PCDHGA2: variants seen among roughly 807,000 people sequenced by gnomAD.
PCDHGA2 encodes the protein protocadherin gamma-A2.
Under a neutral mutation model 59.2 loss-of-function variants are expected in PCDHGA2, and 40 were observed. The ratio of observed to expected loss-of-function variants is 0.68; its 90% confidence interval spans 0.52 to 0.88. The LOEUF is 0.88. PCDHGA2 is among the 40% of genes least tolerant of loss of function. The pLI is 0.00. For synonymous variants in PCDHGA2, 560 were observed against 526.0 expected (o/e 1.06, Z -0.89); for missense variants, 1,226 against 1,204.0 (o/e 1.02, Z -0.27).
At chr5:141,464,982 T>A (rs914697541) in intron 1 of PCDHGA2, among the ~76,000 whole-genome samples, 1 of 152,030 alleles carries the variant, frequency 6.6e-6, no homozygotes, top group Non-Finnish European at 1.5e-5. Context: ...CTTCAAGTGA[T>A]CCTCCCACCT....
At chr5:141,344,879 T>TA in intron 1 of PCDHGA2, 1 of 1,613,924 alleles carries the variant, frequency 6.2e-7, no homozygotes, top group Non-Finnish European at 8.5e-7. Context: ...ATATTCTAGA[T>TA]AAAATGCCTG....
intron 1 of PCDHGA2, among the ~76,000 whole-genome samples, chr5:141,451,606 G>C (rs2098720118): frequency 6.6e-6 from 1 of 152,152 alleles, no homozygotes; most frequent in Non-Finnish European, 1.5e-5. Flanking sequence ...ACAAGGCTAG[G>C]CATGGTGGCT....
chr5:141,375,603 T>C, intron 1 of PCDHGA2: 4 of 1,614,158 alleles, frequency 2.5e-6, no homozygotes, highest in South Asian at 1.1e-5. Flanking sequence ...TACGTGTCCA[T>C]CAACTCCGAC....
intron 1 of PCDHGA2, chr5:141,421,458 T>C (rs2096575080): frequency 6.2e-7 from 1 of 1,614,122 alleles, no homozygotes; most frequent in Non-Finnish European, 8.5e-7. Flanking sequence ...AGCTTTTCGC[T>C]GTGAATCCGC....
At chr5:141,460,035 A>G (rs1246945474) in intron 1 of PCDHGA2, among the ~76,000 whole-genome samples, 1 of 152,140 alleles carries the variant, frequency 6.6e-6, no homozygotes, top group Non-Finnish European at 1.5e-5. Context: ...CCGAGACTGC[A>G]CCACTGCACT....
chr5:141,423,605 T>G lies in PCDHGA2; in HGVS notation c.2425-71202T>G. The G allele has an allele frequency of 1.6e-5, 26 of 1,612,620 alleles. No individual in the cohort carries two copies. Among genetic ancestry groups the G allele is most frequent in the Non-Finnish European group, 2.0e-5 (24 of 1,179,120 alleles). On this transcript the variant is annotated intron_variant, in intron 1 of 3. Transcript: ENST00000394576. Reference sequence around the variant, plus strand: ...AGCTGTGAGAAAAGCGAGCCACTCTTGATAGCTGAAGACTCAGCTATCATT... The same window carrying G: ...AGCTGTGAGAAAAGCGAGCCACTCTGGATAGCTGAAGACTCAGCTATCATT...
intron 3 of PCDHGA2, among the ~76,000 whole-genome samples, chr5:141,510,208 G>A (rs560746333): frequency 2.0e-5 from 3 of 151,866 alleles, no homozygotes; most frequent in Admixed American, 1.3e-4. Context: ...AGGAGGCAGA[G>A]GTTGCAGTGA....
intron 1 of PCDHGA2, chr5:141,421,203 G>A (rs779780797): frequency 2.6e-6 from 4 of 1,522,494 alleles, no homozygotes; most frequent in African/African-American, 1.4e-5. Context: ...TCGAGAAACC[G>A]CGGAATATCG....
At chr5:141,357,465 C>T (rs760807195) in intron 1 of PCDHGA2, 3 of 1,614,226 alleles carry the variant, frequency 1.9e-6, no homozygotes, top group South Asian at 1.1e-5. Flanking sequence ...CCTATTCCCA[C>T]GAGGTCTCCC....
intron 1 of PCDHGA2, chr5:141,419,226 C>T (rs560904796): frequency 1.9e-6 from 3 of 1,614,006 alleles, no homozygotes; most frequent in East Asian, 2.2e-5. Context: ...GGACAGTCAG[C>T]CTACCTGGTC....
chr5:141,423,323 C>A (rs200492485), intron 1 of PCDHGA2: 91 of 1,614,146 alleles, frequency 5.6e-5, no homozygotes, highest in Non-Finnish European at 4.2e-6. Flanking sequence ...GTGGCGGTGG[C>A]CGCAGTCTCC....
intron 1 of PCDHGA2, chr5:141,478,239 C>T: frequency 1.2e-6 from 2 of 1,614,132 alleles, no homozygotes; most frequent in Non-Finnish European, 1.7e-6. Context: ...TTTGTGGTCA[C>T]AGTGTTCGGA....
chr5:141,356,998 C>A (rs1160143660), intron 1 of PCDHGA2: 2 of 1,614,190 alleles, frequency 1.2e-6, no homozygotes, highest in Non-Finnish European at 1.7e-6. Context: ...AGACTCAGGT[C>A]AGAATGCCTG....
In PCDHGA2 at chr5:141,361,747, G is replaced by A. The variant is rs960340216; in HGVS notation, c.2424+20352G>A. 35 of 1,612,978 alleles carry A rather than the reference G, an allele frequency of 2.2e-5. No homozygotes were observed. In the African/African-American group the frequency reaches 4.7e-4, roughly 22 times the overall value. ...GCTCACACTGCAGGCCCGCGACCAG[G>A]GCTCGCCCGCGCTCAGCGCCAACGT... On this transcript the variant is annotated intron_variant, in intron 1 of 3. Transcript: ENST00000394576.
intron 1 of PCDHGA2, among the ~76,000 whole-genome samples, chr5:141,347,344 G>A (rs1358530482): frequency 1.3e-5 from 2 of 151,822 alleles, no homozygotes; most frequent in Non-Finnish European, 2.9e-5. Flanking sequence ...TGTAGAGATG[G>A]GGCAATTGCT....
Position 141,477,782 on chromosome 5 carries a change from T to G in PCDHGA2, c.2425-17025T>G, listed in dbSNP as rs763675478. 1.2e-5 allele frequency: 20 copies of G among 1,613,902 alleles called. No individual in the cohort carries two copies. Among genetic ancestry groups the G allele is most frequent in the Non-Finnish European group, 1.7e-5 (20 of 1,180,042 alleles). ...AGCCACCAACATCAGCGTGAACATA[T>G]TTGTCACTGATCGCAATGACAATGC... On this transcript the variant is annotated intron_variant, in intron 1 of 3. Coordinates refer to ENST00000394576, the MANE Select transcript of PCDHGA2 (RefSeq NM_018915.4). The surrounding 1 kb of genome is among the most constrained non-coding windows in gnomAD (Gnocchi z 4.9).
rs774682943 is a variant in PCDHGA2 at position 141,493,841 on chromosome 5, T to G, written c.2425-966T>G. Among the ~76,000 whole-genome samples the G allele has an allele frequency of 3.3e-5, 5 of 152,024 alleles. No homozygotes were observed. Among genetic ancestry groups the G allele is most frequent in the Non-Finnish European group, 7.4e-5 (5 of 68,010 alleles). On this transcript the variant is annotated intron_variant, in intron 1 of 3. Transcript: ENST00000394576. This position sits in a 1 kb window ranked among gnomAD's most constrained non-coding sequence, Gnocchi z 4.3. The stretch of plus-strand genomic sequence containing the variant: ...CTCTGCTTCTGGGAGCAAGTATGAG[T>G]ATTAATTACCAGCCCACCCCAGAAC...
At chr5:141,345,439 C>A (rs781570393) in intron 1 of PCDHGA2, 4 of 1,614,096 alleles carry the variant, frequency 2.5e-6, no homozygotes, top group Non-Finnish European at 3.4e-6. Context: ...CCCAGAGGAG[C>A]CTCCATCTTC....
At chr5:141,344,687 C>T (rs1047556381) in intron 1 of PCDHGA2, 2 of 1,613,822 alleles carry the variant, frequency 1.2e-6, no homozygotes, top group African/African-American at 2.7e-5. Flanking sequence ...CTGATGGTGG[C>T]GACCCTGTCC....
Sources: allele counts gnomAD v4.1 joint callset (sites outside exome capture counted in the v4.1 genomes callset), GRCh38; gene constraint gnomAD v4.1.1; non-coding constraint Gnocchi (gnomAD v3.1); transcripts MANE v1.5; gene names NCBI Gene and HGNC (gene_info 2026-07-23, HGNC 2026-07-21).